VWC2L: variants seen among roughly 807,000 people sequenced by gnomAD.
The protein encoded by VWC2L is von Willebrand factor C domain containing 2 like.
A neutral mutation model predicts 21.6 loss-of-function variants in VWC2L; 10 were observed. The observed-to-expected ratio is 0.46, with a 90% CI of 0.29 to 0.78. The LOEUF is 0.78. Ranked by LOEUF, VWC2L falls within the 30% of genes least tolerant of loss-of-function variation. The probability of loss-of-function intolerance (pLI) is 0.10; values close to 1 mark genes in which losing one functional copy is unlikely to be tolerated. For synonymous variants in VWC2L, 96 were observed against 94.3 expected, an observed-to-expected ratio of 1.02 and a Z score of -0.10; for missense variants, 209 against 277.1, an observed-to-expected ratio of 0.75 and a Z score of 1.74.
rs1369956307 is a variant in VWC2L, at chr2:214,522,608, C to T, written c.521-53064C>T. On this transcript the variant is annotated intron_variant, in intron 3 of 3. Coordinates refer to ENST00000312504, the MANE Select transcript of VWC2L (RefSeq NM_001080500.4). ...TAATTCTAGTCTTTACATACATATA[C>T]ACAATATTTTAAATATATACTATCT... 4.6e-5 allele frequency among the ~76,000 whole-genome samples: 7 copies of T among 151,916 alleles called. No individual in the cohort carries two copies. The East Asian group carries it at 1.3e-3, about 29-fold the overall frequency.
At chr2:214,548,895 A>C (rs1257213614) in intron 3 of VWC2L, among the ~76,000 whole-genome samples, 2 of 152,158 alleles carry the variant, frequency 1.3e-5, no homozygotes, top group African/African-American at 4.8e-5. Context: ...TTACCTTCTT[A>C]TTGCTTCTGT....
chr2:214,503,874 C>T (rs746541739), intron 3 of VWC2L, among the ~76,000 whole-genome samples: 1 of 152,154 alleles, frequency 6.6e-6, no homozygotes, highest in Non-Finnish European at 1.5e-5. Flanking sequence ...ATACAGCTAC[C>T]ATTAAACTGT....
Position 214,574,245 on chromosome 2 carries a change from C to T in VWC2L, c.521-1427C>T, listed in dbSNP as rs1690195270. ...AGAGCTGACCCTTATTTCCCTCCTG[C>T]TCTGCATGGCTCTTCACGCTTGAGC... is the stretch of plus-strand genomic sequence containing the variant. On this transcript the variant is annotated intron_variant, in intron 3 of 3. Coordinates refer to ENST00000312504, the MANE Select transcript of VWC2L (RefSeq NM_001080500.4). Among the ~76,000 whole-genome samples, 3 of 152,190 alleles carry T rather than the reference C, an allele frequency of 2.0e-5. No individual in the cohort carries two copies. In the South Asian group the frequency reaches 6.2e-4, roughly 31 times the overall value.
intron 2 of VWC2L, among the ~76,000 whole-genome samples, chr2:214,417,476 C>A (rs1334619495): frequency 6.6e-6 from 1 of 152,186 alleles, no homozygotes; most frequent in African/African-American, 2.4e-5. Flanking sequence ...CTTCAGGATG[C>A]TAACCCTATA....
At chr2:214,527,474 T>C (rs1170361123) in intron 3 of VWC2L, among the ~76,000 whole-genome samples, 2 of 152,186 alleles carry the variant, frequency 1.3e-5, no homozygotes, top group South Asian at 2.1e-4. Flanking sequence ...CCTTAACTAA[T>C]GATGTGGCCT....
At chr2:214,434,581 G>T (rs151048568) in intron 2 of VWC2L, among the ~76,000 whole-genome samples, 36 of 152,120 alleles carry the variant, frequency 2.4e-4, no homozygotes, top group African/African-American at 7.7e-4. Flanking sequence ...ACTACCATAG[G>T]CCCTGGGAAA....
At chr2:214,530,503 T>C (rs1356163145) in intron 3 of VWC2L, among the ~76,000 whole-genome samples, 1 of 152,146 alleles carries the variant, frequency 6.6e-6, no homozygotes, top group Non-Finnish European at 1.5e-5. Context: ...TAATAACACA[T>C]TCTTAGCACT....
rs889987611 is a variant in VWC2L, at chr2:214,427,109, G to A, written c.391-9520G>A. Among the ~76,000 whole-genome samples, 6 of 152,100 alleles carry A rather than the reference G, an allele frequency of 3.9e-5. No individual in the cohort carries two copies. In the South Asian group the frequency reaches 8.3e-4, roughly 21 times the overall value. The stretch of plus-strand genomic sequence containing the variant: ...AATACAAATTTTTAAAAAAGAAAAT[G>A]CAAAACTTGTTAATAATTCTTGCAG... On this transcript the variant is annotated intron_variant, in intron 2 of 3. Transcript: ENST00000312504.
At chr2:214,553,215 G>T (rs1433523185) in intron 3 of VWC2L, among the ~76,000 whole-genome samples, 1 of 152,156 alleles carries the variant, frequency 6.6e-6, no homozygotes, top group Non-Finnish European at 1.5e-5. Flanking sequence ...TCTGGCTAAT[G>T]CCATTGTTGA....
chr2:214,429,161 C>T (rs905417020), intron 2 of VWC2L, among the ~76,000 whole-genome samples: 22 of 152,206 alleles, frequency 1.4e-4, no homozygotes, highest in African/African-American at 5.3e-4. Flanking sequence ...AACAATCTCT[C>T]CTTTCCAGTG....
intron 3 of VWC2L, among the ~76,000 whole-genome samples, chr2:214,547,094 G>A (rs1160601166): frequency 2.0e-5 from 3 of 152,150 alleles, no homozygotes; most frequent in Non-Finnish European, 2.9e-5. Flanking sequence ...GCTCAAGCTA[G>A]CGGCATTTTT....
At chr2:214,554,916 C>G (rs749552560) in intron 3 of VWC2L, among the ~76,000 whole-genome samples, 3 of 152,134 alleles carry the variant, frequency 2.0e-5, no homozygotes, top group Non-Finnish European at 2.9e-5. Flanking sequence ...TGGGGAAAAT[C>G]TACATTCTCT....
intron 2 of VWC2L, among the ~76,000 whole-genome samples, 159 bp from the exon 3 acceptor site, chr2:214,436,470 C>A (rs1176922422): frequency 6.6e-6 from 1 of 152,142 alleles, no homozygotes; most frequent in African/African-American, 2.4e-5. Flanking sequence ...GGGTGTCTAA[C>A]TTGCCTTCCA....
intron 2 of VWC2L, among the ~76,000 whole-genome samples, chr2:214,428,040 G>A (rs34440770): frequency 0.019 from 2,866 of 152,178 alleles, 56 homozygotes; most frequent in Admixed American, 0.065. Context: ...TCATTATGCC[G>A]TAATTTAATA....
rs1222059683 is a variant in VWC2L at position 214,434,172 on chromosome 2, A to G, written c.391-2457A>G. ...TCAAACCCTATTCAAAAAATCAAAT[A>G]TAGTCTTATCACTAAGTCTTGTGGT... On this transcript the variant is annotated intron_variant, in intron 2 of 3. Coordinates refer to ENST00000312504, the MANE Select transcript of VWC2L (RefSeq NM_001080500.4). 2.0e-5 allele frequency among the ~76,000 whole-genome samples: 3 copies of G among 152,160 alleles called. No individual in the cohort carries two copies. In the East Asian group the frequency reaches 5.8e-4, roughly 29 times the overall value.
chr2:214,457,299 CT>C (rs1459272975), intron 3 of VWC2L, among the ~76,000 whole-genome samples: 11 of 151,886 alleles, frequency 7.2e-5, no homozygotes, highest in Admixed American at 7.2e-4. Flanking sequence ...GAATTAAAGT[CT>C]TGATTTCTTT....
chr2:214,520,768 A>G (rs890652604), intron 3 of VWC2L, among the ~76,000 whole-genome samples: 15 of 152,210 alleles, frequency 9.9e-5, no homozygotes, highest in African/African-American at 1.7e-4. Context: ...ACAAAACTAC[A>G]TATGCGATAT....
At chr2:214,456,350 T>G (rs763705601) in intron 3 of VWC2L, among the ~76,000 whole-genome samples, 7 of 152,168 alleles carry the variant, frequency 4.6e-5, no homozygotes, top group Non-Finnish European at 1.0e-4. Flanking sequence ...TTGAGAAATG[T>G]CTGTTCAGAT....
intron 3 of VWC2L, among the ~76,000 whole-genome samples, chr2:214,488,493 G>A (rs1688702141): frequency 6.6e-6 from 1 of 152,172 alleles, no homozygotes; most frequent in Non-Finnish European, 1.5e-5. Context: ...CAGCTACTTG[G>A]GGGGCTGAGG....
Sources: gnomAD v4.1 joint callset for allele counts (sites outside exome capture counted in the v4.1 genomes callset) on GRCh38, gnomAD v4.1.1 for gene constraint, MANE v1.5 for transcripts, NCBI Gene and HGNC (gene_info 2026-07-23, HGNC 2026-07-21) for gene names.